Variants in RTN4 observed in about 807,000 individuals in gnomAD.
RTN4 encodes reticulon 4.
RTN4 carries 32 observed loss-of-function variants against 90.4 expected under a neutral mutation model. That is an observed-to-expected ratio of 0.35 (90% confidence interval 0.27 to 0.48). The LOEUF (loss-of-function observed/expected upper bound fraction) is 0.48. Among genes scored for constraint, RTN4 ranks in the 20% least tolerant of loss-of-function variants. The probability of loss-of-function intolerance (pLI) is 0.99; values close to 1 mark genes in which losing one functional copy is unlikely to be tolerated. For missense variants in RTN4, 1,706 were observed against 1,430.2 expected, an observed-to-expected ratio of 1.19 and a Z score of -3.11; for synonymous variants, 629 against 552.5, an observed-to-expected ratio of 1.14 and a Z score of -1.94.
intron 3 of RTN4, among the ~76,000 whole-genome samples, chr2:54,989,599 T>A (rs1678846914): frequency 6.6e-6 from 1 of 152,222 alleles, no homozygotes; most frequent in Non-Finnish European, 1.5e-5. Flanking sequence ...ACTGTTCAAG[T>A]AACTCAACCT....
chr2:55,129,399 C>T, the RTN4 span, among the ~76,000 whole-genome samples: 1 of 151,910 alleles, frequency 6.6e-6, no homozygotes, highest in Non-Finnish European at 1.5e-5. Flanking sequence ...CATAGAGAGA[C>T]TGTGTCTCTC....
intron 3 of RTN4, among the ~76,000 whole-genome samples, chr2:54,994,686 T>C (rs1679276976): frequency 6.6e-6 from 1 of 152,198 alleles, no homozygotes; most frequent in South Asian, 2.1e-4. Flanking sequence ...TTCTTGCCAC[T>C]TCTGGTCCTG....
At chr2:55,078,635 A>G (rs1668646671) in intron 2 of RTN4, among the ~76,000 whole-genome samples, 1 of 152,216 alleles carries the variant, frequency 6.6e-6, no homozygotes, top group African/African-American at 2.4e-5. Context: ...GTGAGTTGTG[A>G]GCATATAAAA....
intron 1 of RTN4, among the ~76,000 whole-genome samples, chr2:55,036,838 C>G (rs1682725674): frequency 6.6e-6 from 1 of 152,014 alleles, no homozygotes; most frequent in African/African-American, 2.4e-5. Context: ...AAATATGCAG[C>G]TAACATCATA....
intron 1 of RTN4, among the ~76,000 whole-genome samples, chr2:55,106,381 C>A (rs556801743): frequency 1.3e-5 from 2 of 152,190 alleles, no homozygotes; most frequent in African/African-American, 4.8e-5. Context: ...ACTGTACACT[C>A]CTTGAGAGCT....
At chr2:55,081,335 C>A (rs1668711802) in intron 1 of RTN4, among the ~76,000 whole-genome samples, 1 of 152,126 alleles carries the variant, frequency 6.6e-6, no homozygotes, top group African/African-American at 2.4e-5. Flanking sequence ...CGTCAGACTC[C>A]CTAAGTGCTG....
At chr2:55,057,837 G>T (rs1341505335) in intron 2 of RTN4, among the ~76,000 whole-genome samples, 1 of 152,052 alleles carries the variant, frequency 6.6e-6, no homozygotes, top group African/African-American at 2.4e-5. Context: ...TAAAAAATTA[G>T]CTGGGTGTGA....
rs568863793 is a variant in RTN4 at position 54,992,227 on chromosome 2, C to A, written c.3014-4529G>T. 7.2e-5 allele frequency among the ~76,000 whole-genome samples: 11 copies of A among 152,196 alleles called. 1 individual carries two copies. Among genetic ancestry groups the A allele is most frequent in the African/African-American group, 2.4e-4 (10 of 41,528 alleles). The stretch of plus-strand genomic sequence containing the variant: ...GAAACCCAGCTCCTACATGACTAGA[C>A]CCAGATCACATCATTAATAAGTGGC... On this transcript the variant is annotated intron_variant, in intron 3 of 8. Coordinates refer to ENST00000337526, the MANE Select transcript of RTN4 (RefSeq NM_020532.5).
chr2:54,976,912 C>T (rs533361140), intron 5 of RTN4, among the ~76,000 whole-genome samples: 2 of 152,170 alleles, frequency 1.3e-5, no homozygotes, highest in African/African-American at 2.4e-5. Flanking sequence ...TGCACAGTAT[C>T]GAGACTGGAG....
At chr2:55,122,947 T>C in the RTN4 span, among the ~76,000 whole-genome samples, 2 of 152,374 alleles carry the variant, frequency 1.3e-5, no homozygotes, top group South Asian at 4.1e-4. Context: ...CACATGGACA[T>C]TGCAATAAAG....
chr2:54,997,033 TG>T (rs1319071002), intron 3 of RTN4, among the ~76,000 whole-genome samples: 4 of 152,270 alleles, frequency 2.6e-5, no homozygotes, highest in African/African-American at 9.6e-5. Context: ...AAAGATAAAT[TG>T]GACTTCATTA....
At chr2:55,113,369 C>A (rs1397507996), upstream of RTN4, among the ~76,000 whole-genome samples, 6 of 152,176 alleles carry the variant, frequency 3.9e-5, no homozygotes, top group Admixed American at 3.9e-4. Context: ...GAACTGAATT[C>A]AAGCCTTATC....
At position 55,025,221 on chromosome 2, in the gene RTN4, T is replaced by A. The variant is rs751097432; in HGVS notation, c.2878A>T (p.Thr960Ser). Reference sequence around the variant, plus strand: ...ACTATGCTCTCTATCTCTGCTTGAGTGGCCAAAGCAGAAACATCTGGAGGC... The same window carrying A: ...ACTATGCTCTCTATCTCTGCTTGAGAGGCCAAAGCAGAAACATCTGGAGGC... Reference protein sequence around the residue: ...LLPPDVSALATQAEIESIVKP... With the variant: ...LLPPDVSALASQAEIESIVKP... The change falls in exon 3 of 9, where the codon ACT becomes TCT. Residue 960 changes from threonine (T) to serine (S), a missense_variant. Coordinates refer to ENST00000337526, the MANE Select transcript of RTN4 (RefSeq NM_020532.5). 12 of 1,613,846 alleles carry A rather than the reference T, an allele frequency of 7.4e-6. No homozygotes were observed. In the East Asian group the frequency reaches 2.7e-4, roughly 36 times the overall value.
the RTN4 span, among the ~76,000 whole-genome samples, chr2:55,121,227 TC>T: frequency 6.6e-6 from 1 of 152,202 alleles, no homozygotes; most frequent in Non-Finnish European, 1.5e-5. Flanking sequence ...CGATCCCTGC[TC>T]TCAGGGAGCT....
At chr2:55,136,125 G>A in the RTN4 span, among the ~76,000 whole-genome samples, 1 of 152,158 alleles carries the variant, frequency 6.6e-6, no homozygotes, top group Non-Finnish European at 1.5e-5. Flanking sequence ...ACCTAAAGCT[G>A]GTGATCAGCC....
intron 1 of RTN4, among the ~76,000 whole-genome samples, chr2:55,046,260 A>C (rs889673135): frequency 6.6e-6 from 1 of 152,178 alleles, no homozygotes; most frequent in Non-Finnish European, 1.5e-5. Flanking sequence ...CCAAAATCAC[A>C]ATATAATTAT....
chr2:55,054,220 C>T (rs1573485201), upstream of RTN4, among the ~76,000 whole-genome samples: 1 of 152,158 alleles, frequency 6.6e-6, no homozygotes, highest in Non-Finnish European at 1.5e-5. Flanking sequence ...CAGTCATTTT[C>T]AGTAGGTGAA....
chr2:55,116,589 G>A (rs145232299), upstream of RTN4, among the ~76,000 whole-genome samples: 105 of 152,268 alleles, frequency 6.9e-4, 2 homozygotes, highest in East Asian at 9.6e-3. Flanking sequence ...AGCACTTTAC[G>A]AGCATTTCTT....
chr2:54,979,046 T>C (rs893776801), intron 5 of RTN4, among the ~76,000 whole-genome samples: 3 of 151,612 alleles, frequency 2.0e-5, no homozygotes, highest in African/African-American at 7.3e-5. Context: ...GATTAAGATT[T>C]TAATAATTTT....
Sources: allele counts gnomAD v4.1 joint callset (sites outside exome capture counted in the v4.1 genomes callset), GRCh38; gene constraint gnomAD v4.1.1; transcripts MANE v1.5; gene names NCBI Gene and HGNC (gene_info 2026-07-23, HGNC 2026-07-21).